KMT2A: variants seen among roughly 807,000 people sequenced by gnomAD.
The protein encoded by KMT2A is histone-lysine N-methyltransferase 2A.
Under a neutral mutation model 345.3 loss-of-function variants are expected in KMT2A, and 16 were observed. The ratio of observed to expected loss-of-function variants is 0.05; its 90% CI spans 0.03 to 0.07. The LOEUF is 0.07. Ranked by LOEUF, KMT2A falls within the 10% of genes least tolerant of loss-of-function variation. The probability of loss-of-function intolerance (pLI) is 1.00; values close to 1 mark genes in which losing one functional copy is unlikely to be tolerated. For missense variants in KMT2A, 3,272 were observed against 4,841.6 expected (o/e 0.68, Z 9.62); for synonymous variants, 1,599 against 1,778.6 (o/e 0.90, Z 2.54).
chr11:118,514,886 G>C (rs1555051194), intron 31 of KMT2A, among the ~76,000 whole-genome samples: 1 of 152,176 alleles, frequency 6.6e-6, no homozygotes, highest in African/African-American at 2.4e-5. Flanking sequence ...GCCCGCCTCA[G>C]CCTCCCAAAG....
chr11:118,490,281 G>A lies in KMT2A; in HGVS notation c.4696+32G>A, dbSNP rs141580563. 112 of 1,523,958 alleles carry A rather than the reference G, an allele frequency of 7.3e-5. No individual in the cohort carries two copies. The highest frequency in any genetic ancestry group is 5.2e-5 in the Non-Finnish European group (60 of 1,145,522). 94.4% of individuals were successfully genotyped at this position (1,523,958 alleles called of 1,614,324 possible). On this transcript the variant is annotated intron_variant, in intron 13 of 35. Coordinates refer to ENST00000534358, the MANE Select transcript of KMT2A (RefSeq NM_001197104.2). The surrounding 1 kb of genome is among the most constrained non-coding windows in gnomAD (Gnocchi z 4.2). ...AAAAAAGCCAGTTTTGCCAGCTTTC[G>A]GAGGTTGTACTTGGTGTTCTGGAGG... is the stretch of plus-strand genomic sequence containing the variant.
In KMT2A at chr11:118,523,625, T is replaced by A. The variant is rs568080544; in HGVS notation, c.*1453T>A. 1.3e-5 allele frequency: 3 copies of A among 228,596 alleles called. No individual in the cohort carries two copies. The highest frequency in any genetic ancestry group is 5.7e-5 in the Admixed American group (1 of 17,630). The allele number at this position is 228,596 out of a possible 1,614,324, so 14.2% of individuals were successfully genotyped here. On this transcript the variant is annotated 3_prime_UTR_variant, in exon 36 of 36. Coordinates refer to ENST00000534358, the MANE Select transcript of KMT2A (RefSeq NM_001197104.2). ...AGCACTTCATAGGGAGAAGCACTTA[T>A]GACAAGGCTATTTTTTAAACCGCGG...
At chr11:118,471,553 C>A in intron 2 of KMT2A, 109 bp from the exon 3 acceptor site, 1 of 617,020 alleles carries the variant, frequency 1.6e-6, no homozygotes, top group African/African-American at 1.8e-5. Context: ...TCATTAGACT[C>A]AAGTTGAACT....
rs781903029 is a variant in KMT2A, at chr11:118,505,439, C to T, written c.9547C>T (p.Pro3183Ser). 2 of 1,614,212 alleles carry T rather than the reference C, an allele frequency of 1.2e-6. No individual in the cohort carries two copies. Among genetic ancestry groups the T allele is most frequent in the East Asian group, 4.5e-5 (2 of 44,886 alleles). Reference protein sequence around the residue: ...QSSFPPNISNPPSGLLIGVQP... With the variant: ...QSSFPPNISNSPSGLLIGVQP... Reference sequence around the variant, plus strand: ...TAGTTTCCCACCAAACATCAGCAATCCTCCTTCAGGCCTGCTTATTGGGGT... The same window carrying T: ...TAGTTTCCCACCAAACATCAGCAATTCTCCTTCAGGCCTGCTTATTGGGGT... The change falls in exon 27 of 36, where the codon CCT becomes TCT. Residue 3183 changes from proline to serine, a missense_variant. Around this residue, in one of 27 missense-constraint regions of KMT2A, gnomAD observed 748 missense variants for 922.2 expected, o/e 0.81. Transcript: ENST00000534358. The surrounding 1 kb of genome is among the most constrained non-coding windows in gnomAD (Gnocchi z 4.6).
intron 29 of KMT2A, 112 bp from the exon 30 acceptor site, chr11:118,509,836 C>G: frequency 1.4e-6 from 1 of 739,282 alleles, no homozygotes; most frequent in East Asian, 3.0e-5. Context: ...AATAATAAAC[C>G]AACTGTGGAA....
Position 118,523,038 on chromosome 11 carries a change from T to G in KMT2A, c.*866T>G, listed in dbSNP as rs1359254979. The G allele has an allele frequency of 4.5e-6, 1 of 220,178 alleles. No individual in the cohort carries two copies. The highest frequency in any genetic ancestry group is 9.1e-6 in the Non-Finnish European group (1 of 109,774). The allele number at this position is 220,178 out of a possible 1,614,324, so 13.6% of individuals were successfully genotyped here. On this transcript the variant is annotated 3_prime_UTR_variant, in exon 36 of 36. Transcript: ENST00000534358. ...TCCCTGAGCCTGTAAGCACTCCAGG[T>G]GGGGAAGTGGACAGGAGCCATTGGT...
At position 118,497,843 on chromosome 11, in the gene KMT2A, C is replaced by T. The variant is rs369677044; in HGVS notation, c.5665-93C>T. ...TCCATTAAAGAATTATAGTTGCTTTCTTGAGGTTATCTTCACTGGAAAAGC... is the reference window on the plus strand; with the variant it reads ...TCCATTAAAGAATTATAGTTGCTTTTTTGAGGTTATCTTCACTGGAAAAGC... On this transcript the variant is annotated intron_variant, in intron 20 of 35. Transcript: ENST00000534358. The surrounding 1 kb of genome is among the most constrained non-coding windows in gnomAD (Gnocchi z 4.8). The T allele has an allele frequency of 1.3e-3, 1,258 of 957,994 alleles. 9 individuals are homozygous for T. The highest frequency in any genetic ancestry group is 7.4e-3 in the South Asian group (456 of 61,810). The allele number at this position is 957,994 out of a possible 1,614,324, so 59.3% of individuals were successfully genotyped here. A position where few individuals can be genotyped will look rare whatever the true frequency, so the allele number is the denominator to read the frequency against.
Position 118,520,969 on chromosome 11 carries a change from C to A in KMT2A, c.11513+84C>A. On this transcript the variant is annotated intron_variant, in intron 34 of 35. Transcript: ENST00000534358. The surrounding 1 kb of genome is among the most constrained non-coding windows in gnomAD (Gnocchi z 4.3). ...GCAGACCAAATGCTGGAGTGACCTT[C>A]CTCACTCAGTAAGTGAGGATTTTAC... The A allele has an allele frequency of 1.0e-6, 1 of 1,000,770 alleles. No homozygotes were observed. The highest frequency in any genetic ancestry group is 1.6e-6 in the Non-Finnish European group (1 of 629,394). 62.0% of individuals were successfully genotyped at this position (1,000,770 alleles called of 1,614,324 possible).
chr11:118,463,245 A>T (rs1321859468), intron 1 of KMT2A, among the ~76,000 whole-genome samples: 1 of 152,138 alleles, frequency 6.6e-6, no homozygotes, highest in African/African-American at 2.4e-5. Context: ...GGCATGAGCC[A>T]CTGCACCCAG....
At chr11:118,467,653 A>G (rs1949870476) in intron 1 of KMT2A, among the ~76,000 whole-genome samples, 1 of 152,214 alleles carries the variant, frequency 6.6e-6, no homozygotes, top group Non-Finnish European at 1.5e-5. Flanking sequence ...AATGGCTAAG[A>G]CAGTTAGCAC....
In KMT2A at chr11:118,473,051, A is replaced by G. The variant is rs782335823; in HGVS notation, c.1892A>G (p.Tyr631Cys). Residue 631 changes from tyrosine to cysteine, a missense_variant, in exon 3 of 36, where the codon TAC becomes TGC. Transcript: ENST00000534358. The surrounding 1 kb of genome is among the most constrained non-coding windows in gnomAD (Gnocchi z 5.2). ...SLKHSRSEPQ[Y>C]FSSAKYAKEG... ...AAGCATTCTAGGTCAGAGCCACAAT[A>G]CTTTTCCTCAGCAAAGTATGCCAAA... 3 of 1,614,122 alleles carry G rather than the reference A, an allele frequency of 1.9e-6. No individual in the cohort carries two copies. In the South Asian group the frequency reaches 3.3e-5, roughly 18 times the overall value.
At chr11:118,466,143 G>A (rs1165221925) in intron 1 of KMT2A, among the ~76,000 whole-genome samples, 3 of 151,726 alleles carry the variant, frequency 2.0e-5, no homozygotes, top group African/African-American at 7.3e-5. Flanking sequence ...ACCAGCCTGG[G>A]CAACATAGTG....
At position 118,510,617 on chromosome 11, in the gene KMT2A, C is replaced by T. The variant is rs542680888; in HGVS notation, c.11071+499C>T. ...TTACATGTTCTTCTCTCATAGCTTACATTTTGTTTTGTCCGTGTTTGTTTA... is the reference window on the plus strand; with the variant it reads ...TTACATGTTCTTCTCTCATAGCTTATATTTTGTTTTGTCCGTGTTTGTTTA... On this transcript the variant is annotated intron_variant, in intron 30 of 35. Transcript: ENST00000534358. This position sits in a 1 kb window ranked among gnomAD's most constrained non-coding sequence, Gnocchi z 4.1. Among the ~76,000 whole-genome samples the T allele has an allele frequency of 1.4e-3, 216 of 152,286 alleles. 2 individuals are homozygous for T. The highest frequency in any genetic ancestry group is 2.6e-3 in the Non-Finnish European group (177 of 68,022).
intron 1 of KMT2A, among the ~76,000 whole-genome samples, chr11:118,457,104 T>C (rs905781171): frequency 6.6e-6 from 1 of 152,126 alleles, no homozygotes; most frequent in Non-Finnish European, 1.5e-5. Flanking sequence ...ACTGCTGTCA[T>C]AGCTTTTGGC....
chr11:118,470,837 G>C lies in KMT2A; in HGVS notation c.503-825G>C, dbSNP rs144899568. ...TACAAGGTGTTTTAGAAACAGTCTT[G>C]TTTTCTTGAATGGCTTGAAAAGCAG... is the stretch of plus-strand genomic sequence containing the variant. On this transcript the variant is annotated intron_variant, in intron 2 of 35. Transcript: ENST00000534358. 5.9e-3 allele frequency among the ~76,000 whole-genome samples: 891 copies of C among 152,242 alleles called. 9 individuals carry two copies. The highest frequency in any genetic ancestry group is 0.02 in the African/African-American group (812 of 41,550).
intron 24 of KMT2A, chr11:118,500,631 C>T (rs1199105768): frequency 1.2e-5 from 2 of 160,598 alleles, no homozygotes; most frequent in Non-Finnish European, 2.7e-5. Context: ...ATTTTCAGGC[C>T]GTACTTTGTA....
At chr11:118,519,392 G>A (rs917048303) in intron 31 of KMT2A, 10 of 467,912 alleles carry the variant, frequency 2.1e-5, no homozygotes, top group Non-Finnish European at 3.9e-5. Context: ...TAGTTTGGTG[G>A]CATGCTTTTT....
At position 118,466,201 on chromosome 11, in the gene KMT2A, A is replaced by C. The variant is rs545831095; in HGVS notation, c.433-2574A>C. On this transcript the variant is annotated intron_variant, in intron 1 of 35. Transcript: ENST00000534358. ...TTTAAAATTAGCTGAGTGCTGGTACATGCCTGTAGTCCCAGCTGCCCAGGA... is the reference window on the plus strand; with the variant it reads ...TTTAAAATTAGCTGAGTGCTGGTACCTGCCTGTAGTCCCAGCTGCCCAGGA... 7.9e-5 allele frequency among the ~76,000 whole-genome samples: 12 copies of C among 152,174 alleles called. No homozygotes were observed. The South Asian group carries it at 2.5e-3, about 32-fold the overall frequency.
chr11:118,512,251 C>G, intron 31 of KMT2A: 2 of 558,580 alleles, frequency 3.6e-6, no homozygotes, highest in Non-Finnish European at 6.3e-6. Flanking sequence ...AATTCTAGAA[C>G]ATTCTCATCA....
Sources: gnomAD v4.1 joint callset for allele counts (sites outside exome capture counted in the v4.1 genomes callset) on GRCh38, gnomAD v4.1.1 for gene constraint, gnomAD v4.1.1 regional missense constraint, Gnocchi (gnomAD v3.1) non-coding constraint, MANE v1.5 for transcripts, NCBI Gene and HGNC (gene_info 2026-07-23, HGNC 2026-07-21) for gene names.